Variants in PTCHD4 observed in about 807,000 individuals in gnomAD.
The protein encoded by PTCHD4 is patched domain-containing protein 4.
In PTCHD4, 33 loss-of-function variants were observed where a neutral mutation model predicts 58.1. That is an observed-to-expected ratio of 0.57 (90% CI 0.43 to 0.76). The LOEUF is 0.76. Among genes scored for constraint, PTCHD4 ranks in the 30% least tolerant of loss-of-function variants. The pLI is 0.00. For missense variants in PTCHD4, 1,058 were observed against 1,027.1 expected, an observed-to-expected ratio of 1.03 and a Z score of -0.41; for synonymous variants, 478 against 409.6, an observed-to-expected ratio of 1.17 and a Z score of -2.02.
chr6:48,068,124 T>A lies in PTCHD4; in HGVS notation c.417+106A>T, dbSNP rs1032956787. 1 of 1,259,778 alleles carries A rather than the reference T, an allele frequency of 7.9e-7. No homozygotes were observed. Among genetic ancestry groups the A allele is most frequent in the Non-Finnish European group, 1.1e-6 (1 of 911,754 alleles). The allele number at this position is 1,259,778 out of a possible 1,614,324, so 78.0% of individuals were successfully genotyped here. A position where few individuals can be genotyped will look rare whatever the true frequency, so the allele number is the denominator to read the frequency against. On this transcript the variant is annotated intron_variant, in intron 3 of 4. Transcript: ENST00000339488. The surrounding 1 kb of genome is among the most constrained non-coding windows in gnomAD (Gnocchi z 4.2). ...GTCTTATTGGAGACGGCAGCCTGCCTGAGATCCTCTAGCACTGAAATAATA... is the reference window on the plus strand; with the variant it reads ...GTCTTATTGGAGACGGCAGCCTGCCAGAGATCCTCTAGCACTGAAATAATA...
rs146475763 is a variant in PTCHD4, at chr6:48,044,395, G to A, written c.417+23835C>T. 9.2e-4 allele frequency among the ~76,000 whole-genome samples: 139 copies of A among 151,792 alleles called. 1 individual carries two copies. Among genetic ancestry groups the A allele is most frequent in the Middle Eastern group, 3.4e-3 (1 of 294 alleles). ...CTTTGTAGATCTGAGTCTTCCAGTC[G>A]AAGTGCAGTTGTAGATGCAACATTT... On this transcript the variant is annotated intron_variant, in intron 3 of 4. Transcript: ENST00000339488.
chr6:48,107,467 T>C (rs578107356), intron 1 of PTCHD4, among the ~76,000 whole-genome samples: 280 of 152,318 alleles, frequency 1.8e-3, no homozygotes, highest in Non-Finnish European at 2.7e-3. Flanking sequence ...TATTAAAGAC[T>C]TAAATGTTAG....
chr6:47,951,734 CAGA>C (rs1766660764), intron 4 of PTCHD4, among the ~76,000 whole-genome samples: 1 of 151,622 alleles, frequency 6.6e-6, no homozygotes, highest in African/African-American at 2.4e-5. Context: ...TGCCAGAAAA[CAGA>C]AGAATAGAAG....
intron 4 of PTCHD4, among the ~76,000 whole-genome samples, chr6:48,002,801 A>G (rs1359533541): frequency 6.6e-6 from 1 of 151,828 alleles, no homozygotes; most frequent in African/African-American, 2.4e-5. Context: ...CACTATCTTC[A>G]CTTCATTCCC....
At chr6:48,097,130 T>A (rs1244215727) in intron 1 of PTCHD4, among the ~76,000 whole-genome samples, 1 of 152,122 alleles carries the variant, frequency 6.6e-6, no homozygotes, top group Non-Finnish European at 1.5e-5. Context: ...AACTATTGAC[T>A]AAATTTAGCT....
chr6:48,072,434 T>C (rs1764992612), intron 1 of PTCHD4, among the ~76,000 whole-genome samples: 1 of 152,170 alleles, frequency 6.6e-6, no homozygotes, highest in Non-Finnish European at 1.5e-5. Flanking sequence ...TACTGTGGGG[T>C]ATTTTCTTCT....
intron 1 of PTCHD4, among the ~76,000 whole-genome samples, chr6:48,104,109 A>C (rs1765666755): frequency 6.6e-6 from 1 of 152,180 alleles, no homozygotes; most frequent in Non-Finnish European, 1.5e-5. Flanking sequence ...AATGCCACAA[A>C]GATACTCCTC....
At chr6:47,936,223 C>T (rs753340538) in intron 4 of PTCHD4, among the ~76,000 whole-genome samples, 11 of 152,050 alleles carry the variant, frequency 7.2e-5, no homozygotes, top group Admixed American at 2.0e-4. Flanking sequence ...TGTTGGTGGA[C>T]GTGATGAGAA....
chr6:47,940,262 C>T (rs901649497), intron 4 of PTCHD4, among the ~76,000 whole-genome samples: 4 of 151,298 alleles, frequency 2.6e-5, no homozygotes, highest in African/African-American at 7.4e-5. Context: ...TGTAACTAGC[C>T]TGTACATTGA....
chr6:47,955,143 A>G (rs1369036524), intron 4 of PTCHD4, among the ~76,000 whole-genome samples: 2 of 152,210 alleles, frequency 1.3e-5, no homozygotes, highest in East Asian at 1.9e-4. Flanking sequence ...AATGAATTCC[A>G]TTGTTTTAAG....
intron 4 of PTCHD4, among the ~76,000 whole-genome samples, chr6:47,917,096 C>G (rs1052586635): frequency 6.6e-6 from 1 of 151,864 alleles, no homozygotes; most frequent in African/African-American, 2.4e-5. Context: ...TAATTTGTAT[C>G]TTTTTTCCAA....
chr6:48,026,230 G>T (rs1295228131), intron 3 of PTCHD4, among the ~76,000 whole-genome samples: 5 of 152,116 alleles, frequency 3.3e-5, no homozygotes, highest in African/African-American at 1.2e-4. Flanking sequence ...GACTCCCTGG[G>T]CTAGAAGTCT....
intron 3 of PTCHD4, among the ~76,000 whole-genome samples, chr6:48,024,744 G>A (rs562726438): frequency 6.6e-5 from 10 of 152,074 alleles, no homozygotes; most frequent in South Asian, 2.1e-4. Context: ...GCTTTGTGGC[G>A]TTCTCTGCAG....
chr6:48,095,661 C>G (rs1040505824), intron 1 of PTCHD4, among the ~76,000 whole-genome samples: 3 of 151,604 alleles, frequency 2.0e-5, no homozygotes, highest in African/African-American at 4.9e-5. Flanking sequence ...TGCACTCCAG[C>G]CTAGGCTACA....
chr6:48,086,251 A>G (rs1159891110), intron 1 of PTCHD4, among the ~76,000 whole-genome samples: 3 of 152,238 alleles, frequency 2.0e-5, no homozygotes, highest in Non-Finnish European at 4.4e-5. Context: ...AATTATGGAC[A>G]CTAACACTTG....
At chr6:47,958,185 G>A (rs894785068) in intron 4 of PTCHD4, among the ~76,000 whole-genome samples, 3 of 152,104 alleles carry the variant, frequency 2.0e-5, no homozygotes, top group African/African-American at 7.2e-5. Flanking sequence ...GGAAATATAT[G>A]TATATTAATC....
chr6:47,996,453 C>G (rs1768491717), intron 4 of PTCHD4, among the ~76,000 whole-genome samples: 1 of 152,118 alleles, frequency 6.6e-6, no homozygotes, highest in Non-Finnish European at 1.5e-5. Context: ...CCAGCCTGGG[C>G]TACAGAGTAA....
rs764565910 is a variant in PTCHD4, at chr6:47,878,467, C to A, written c.2368G>T (p.Gly790Cys). The change falls in exon 5 of 5, where the codon GGT becomes TGT. Residue 790 changes from glycine to cysteine, a missense_variant. Gly to Cys is a radical substitution (Grantham distance 159). Coordinates refer to ENST00000339488, the MANE Select transcript of PTCHD4 (RefSeq NM_001384253.1). Reference sequence around the variant, plus strand: ...ACAAAACAGTGCAGAAGTGTGCAACCCCCAGTGAGCAGCAAGCATTTGAAC... The same window carrying A: ...ACAAAACAGTGCAGAAGTGTGCAACACCCAGTGAGCAGCAAGCATTTGAAC... ...TLFKCLLLTG[G>C]CTLLHCFVIL... The A allele has an allele frequency of 1.8e-5, 29 of 1,613,284 alleles. No homozygotes were observed. Among genetic ancestry groups the A allele is most frequent in the Non-Finnish European group, 1.7e-6 (2 of 1,179,696 alleles).
In PTCHD4 at chr6:48,009,047, T is replaced by A; in HGVS notation, c.485A>T (p.Gln162Leu). ...GVVEVPNSKD[Q>L]RVKSARAIQI... is the part of the protein sequence containing the mutation. The stretch of plus-strand genomic sequence containing the variant: ...AATGGCTCTGGCTGACTTGACCCGC[T>A]GATCTTTGCTGTTTGGCACTTCCAC... Residue 162 changes from glutamine to leucine, a missense_variant, in exon 4 of 5, where the codon CAG (glutamine) becomes CTG (leucine). Transcript: ENST00000339488. The A allele has an allele frequency of 6.2e-7, 1 of 1,613,928 alleles. No homozygotes were observed. The highest frequency in any genetic ancestry group is 8.5e-7 in the Non-Finnish European group (1 of 1,179,860).
Sources: gnomAD v4.1 joint callset for allele counts (sites outside exome capture counted in the v4.1 genomes callset) on GRCh38, gnomAD v4.1.1 for gene constraint, Gnocchi (gnomAD v3.1) non-coding constraint, MANE v1.5 for transcripts, NCBI Gene and HGNC (gene_info 2026-07-23, HGNC 2026-07-21) for gene names.